The following STPG1 variants were observed in gnomAD, a reference collection of about 807,000 sequenced individuals.
STPG1 encodes the protein sperm tail PG-rich repeat containing 1.
STPG1 carries 33 observed loss-of-function variants against 40.1 expected under a neutral mutation model. The observed-to-expected ratio is 0.82, with a 90% CI of 0.62 to 1.10. The LOEUF (loss-of-function observed/expected upper bound fraction) is 1.10, where lower values mean the gene tolerates loss of function less well. STPG1 is among the 50% of genes least tolerant of loss of function. STPG1 has a pLI of 0.00. For synonymous variants in STPG1, 150 were observed against 155.0 expected (o/e 0.97, Z 0.24); for missense variants, 396 against 415.1 (o/e 0.95, Z 0.40).
intron 1 of STPG1, among the ~76,000 whole-genome samples, chr1:24,405,367 T>C (rs1643374900): frequency 6.6e-6 from 1 of 152,254 alleles, no homozygotes; most frequent in African/African-American, 2.4e-5. Context: ...TTCTTTCAGT[T>C]TAAAATATCT....
chr1:24,382,224 C>G (rs1642318097), intron 4 of STPG1, among the ~76,000 whole-genome samples: 1 of 152,182 alleles, frequency 6.6e-6, no homozygotes, highest in African/African-American at 2.4e-5. Context: ...CCAATCGTGT[C>G]CTCTGATTCA....
chr1:24,399,143 T>C lies in STPG1; in HGVS notation c.70+2176A>G, dbSNP rs530515556. ...TATGGAAATGCACTGGGGTCAAGAATAGCCAGCATAAACAAAGAAGTACAA... is the reference window on the plus strand; with the variant it reads ...TATGGAAATGCACTGGGGTCAAGAACAGCCAGCATAAACAAAGAAGTACAA... On this transcript the variant is annotated intron_variant, in intron 2 of 8. Coordinates refer to ENST00000337248, the MANE Select transcript of STPG1 (RefSeq NM_001199013.2). The surrounding 1 kb of genome is among the most constrained non-coding windows in gnomAD (Gnocchi z 4.0). Among the ~76,000 whole-genome samples the C allele has an allele frequency of 5.3e-5, 8 of 152,260 alleles. No individual in the cohort carries two copies. Among genetic ancestry groups the C allele is most frequent in the African/African-American group, 1.9e-4 (8 of 41,564 alleles).
At chr1:24,407,072 CT>C (rs1643442110) in intron 1 of STPG1, among the ~76,000 whole-genome samples, 1 of 152,238 alleles carries the variant, frequency 6.6e-6, no homozygotes, top group Non-Finnish European at 1.5e-5. Context: ...TTCCCCATTC[CT>C]TTTTCCCTGC....
intron 2 of STPG1, among the ~76,000 whole-genome samples, chr1:24,393,063 T>C (rs1394843938): frequency 2.0e-5 from 3 of 152,178 alleles, no homozygotes; most frequent in Non-Finnish European, 2.9e-5. Context: ...TTGAGGAAAC[T>C]GAGGCTTAGA....
At chr1:24,402,370 AT>A (rs1320486726) in intron 1 of STPG1, among the ~76,000 whole-genome samples, 2 of 152,134 alleles carry the variant, frequency 1.3e-5, no homozygotes, top group African/African-American at 4.8e-5. Flanking sequence ...CATTCTAGTG[AT>A]TTTATAGTGG....
intron 6 of STPG1, 75 bp from the exon 7 acceptor site, chr1:24,369,914 G>C: frequency 7.6e-7 from 1 of 1,312,464 alleles, no homozygotes; most frequent in Middle Eastern, 2.0e-4. Flanking sequence ...TTACCCCTAA[G>C]AACACACCTG....
At position 24,395,428 on chromosome 1, in the gene STPG1, A is replaced by ATTT. The variant is rs71577706; in HGVS notation, c.71-3752_71-3750dup. Among the ~76,000 whole-genome samples, 223 of 128,066 alleles carry ATTT rather than the reference A, an allele frequency of 1.7e-3. 2 individuals are homozygous for ATTT. Among genetic ancestry groups the ATTT allele is most frequent in the South Asian group, 0.016 (64 of 4,082 alleles). The allele number at this position is 128,066 out of a possible 152,430, so 84.0% of individuals were successfully genotyped here. A position where few individuals can be genotyped will look rare whatever the true frequency, so the allele number is the denominator to read the frequency against. ...TAAAATTATGAGTATAAATTGAACA[A>ATTT]TTTTTTTTTTTTTTTTTTTTTTTAG... is the stretch of plus-strand genomic sequence containing the variant. On this transcript the variant is annotated intron_variant, in intron 2 of 8. Transcript: ENST00000337248.
At chr1:24,367,967 C>T (rs1043735361) in intron 7 of STPG1, among the ~76,000 whole-genome samples, 1 of 152,172 alleles carries the variant, frequency 6.6e-6, no homozygotes, top group Non-Finnish European at 1.5e-5. Flanking sequence ...GGTCGGCCAA[C>T]TCCAACACCT....
chr1:24,401,198 A>T (rs919919510), intron 2 of STPG1, 121 bp downstream of exon 2: 18 of 732,478 alleles, frequency 2.5e-5, no homozygotes, highest in Non-Finnish European at 3.5e-5. Flanking sequence ...CCTATTTGGT[A>T]TGCCTGTAAG....
At chr1:24,410,481 C>T (rs1165101160) in intron 1 of STPG1, among the ~76,000 whole-genome samples, 4 of 152,090 alleles carry the variant, frequency 2.6e-5, no homozygotes, top group African/African-American at 7.2e-5. Flanking sequence ...TGGTGGCGTG[C>T]ACCTGTAGTC....
At position 24,360,844 on chromosome 1, in the gene STPG1, C is replaced by A; in HGVS notation, c.928+7G>T. 4 of 1,604,560 alleles carry A rather than the reference C, an allele frequency of 2.5e-6. No individual in the cohort carries two copies. The highest frequency in any genetic ancestry group is 3.4e-6 in the Non-Finnish European group (4 of 1,175,956). On this transcript the variant is annotated splice_region_variant and intron_variant, in intron 8 of 8. Coordinates refer to ENST00000337248, the MANE Select transcript of STPG1 (RefSeq NM_001199013.2). ...GTTTTTACAATCATTTAAAACAATC[C>A]TCTGACCTGGGCCAGGCAGGCCTGG...
chr1:24,364,670 G>A (rs1283599915), intron 7 of STPG1, among the ~76,000 whole-genome samples: 1 of 152,186 alleles, frequency 6.6e-6, no homozygotes, highest in African/African-American at 2.4e-5. Context: ...CTCATCCAGG[G>A]CTGGTCCCTC....
chr1:24,366,360 TC>T (rs146592112), intron 7 of STPG1, among the ~76,000 whole-genome samples: 14,322 of 152,186 alleles, frequency 0.094, 701 homozygotes, highest in Non-Finnish European at 0.12. Flanking sequence ...CCCGTGTAGC[TC>T]CTGTCCCTCT....
At chr1:24,376,695 A>G (rs934651097) in intron 5 of STPG1, among the ~76,000 whole-genome samples, 11 of 152,240 alleles carry the variant, frequency 7.2e-5, no homozygotes, top group African/African-American at 2.4e-4. Context: ...TGAAACACTG[A>G]CGGCAGCATC....
chr1:24,359,033 T>TG lies in STPG1; in HGVS notation c.929-415dup, dbSNP rs1411461010. ...GGTTCTATAGGAGATGAGCAGGGCT[T>TG]GGGAACTGTAGCCCCAGGTGACCAG... On this transcript the variant is annotated intron_variant, in intron 8 of 8. Transcript: ENST00000337248. This position sits in a 1 kb window ranked among gnomAD's most constrained non-coding sequence, Gnocchi z 5.3. 6.6e-6 allele frequency among the ~76,000 whole-genome samples: 1 copy of TG among 152,182 alleles called. No homozygotes were observed. The highest frequency in any genetic ancestry group is 1.5e-5 in the Non-Finnish European group (1 of 68,024).
upstream of STPG1, chr1:24,413,978 G>A (rs1285312787): frequency 1.3e-5 from 2 of 152,160 alleles, no homozygotes; most frequent in African/African-American, 4.8e-5. Flanking sequence ...AAAAGCCTCA[G>A]AATTTTGCTC....
intron 5 of STPG1, among the ~76,000 whole-genome samples, chr1:24,377,031 T>C (rs7546748): frequency 0.4 from 60,632 of 151,170 alleles, 12,531 homozygotes; most frequent in African/African-American, 0.5. Context: ...GAGGCCGAGG[T>C]GGATGGATTA....
At chr1:24,392,179 C>T (rs945720469) in intron 2 of STPG1, 23 of 658,722 alleles carry the variant, frequency 3.5e-5, no homozygotes, top group Admixed American at 6.3e-5. Flanking sequence ...TGTAAGTTTT[C>T]GTTTCTGTTT....
intron 1 of STPG1, among the ~76,000 whole-genome samples, chr1:24,406,204 T>G (rs1167844477): frequency 6.6e-6 from 1 of 152,132 alleles, no homozygotes; most frequent in Non-Finnish European, 1.5e-5. Context: ...TCTGACATAT[T>G]AGCTATACTT....
Sources: allele counts gnomAD v4.1 joint callset (sites outside exome capture counted in the v4.1 genomes callset), GRCh38; gene constraint gnomAD v4.1.1; non-coding constraint Gnocchi (gnomAD v3.1); transcripts MANE v1.5; gene names NCBI Gene and HGNC (gene_info 2026-07-23, HGNC 2026-07-21).